The following SCAP variants were observed in gnomAD, a reference collection of about 807,000 sequenced individuals.
The protein encoded by SCAP is sterol regulatory element-binding protein cleavage-activating protein.
Under a neutral mutation model 123.6 loss-of-function variants are expected in SCAP, and 65 were observed. That is an observed-to-expected ratio of 0.53 (90% CI 0.43 to 0.65). SCAP has a LOEUF of 0.65. Ranked by LOEUF, SCAP falls within the 30% of genes least tolerant of loss-of-function variation. SCAP has a pLI of 0.00. For synonymous variants in SCAP, 740 were observed against 726.3 expected, an observed-to-expected ratio of 1.02 and a Z score of -0.30; for missense variants, 1,398 against 1,712.5, an observed-to-expected ratio of 0.82 and a Z score of 3.24.
intron 3 of SCAP, chr3:47,434,801 C>T (rs1471960585): frequency 2.4e-5 from 12 of 504,678 alleles, no homozygotes; most frequent in South Asian, 5.1e-5. Context: ...TGTGCCATTG[C>T]ACTCCAGCCT....
chr3:47,421,054 G>A, intron 10 of SCAP, 25 bp from the exon 11 acceptor site: 1 of 1,589,786 alleles, frequency 6.3e-7, no homozygotes, highest in African/African-American at 1.3e-5. Context: ...CATGGGGATG[G>A]GGGGGTGCCG....
At chr3:47,431,907 A>G (rs1021459706) in intron 3 of SCAP, among the ~76,000 whole-genome samples, 13 of 152,328 alleles carry the variant, frequency 8.5e-5, no homozygotes, top group African/African-American at 3.1e-4. Context: ...AGATTTGTCT[A>G]TTGTCATCCA....
Position 47,419,226 on chromosome 3 carries a change from A to C in SCAP, c.1940+102T>G. ...ACCTCACAACCTTATGAACTGTTTT[A>C]ATTATTTGCATAATTCAAACCTGTG... On this transcript the variant is annotated intron_variant, in intron 13 of 22. Transcript: ENST00000265565. The surrounding 1 kb of genome is among the most constrained non-coding windows in gnomAD (Gnocchi z 5.0). The C allele has an allele frequency of 7.0e-7, 1 of 1,422,520 alleles. No individual in the cohort carries two copies. The highest frequency in any genetic ancestry group is 9.5e-7 in the Non-Finnish European group (1 of 1,052,598). The allele number at this position is 1,422,520 out of a possible 1,614,324, so 88.1% of individuals were successfully genotyped here.
intron 3 of SCAP, among the ~76,000 whole-genome samples, chr3:47,431,566 C>T (rs1239421354): frequency 1.3e-5 from 2 of 152,086 alleles, no homozygotes; most frequent in Non-Finnish European, 2.9e-5. Flanking sequence ...ATGATCTTGG[C>T]AGCTTCAAGG....
rs1411859879 is a variant in SCAP, at chr3:47,449,319, G to A, written c.-98-6228C>T. Among the ~76,000 whole-genome samples, 2 of 123,428 alleles carry A rather than the reference G, an allele frequency of 1.6e-5. 1 individual carries two copies. Among genetic ancestry groups the A allele is most frequent in the East Asian group, 5.7e-4 (2 of 3,484 alleles). The allele number at this position is 123,428 out of a possible 152,430, so 81.0% of individuals were successfully genotyped here. On this transcript the variant is annotated intron_variant, in intron 1 of 22. Transcript: ENST00000265565. The stretch of plus-strand genomic sequence containing the variant: ...TCCAGATCCCAAGGGCCCCTTTCCT[G>A]GTCTTCTGGCTAAAAGTCAGGGGTT...
chr3:47,445,130 T>C (rs1170945588), intron 1 of SCAP, among the ~76,000 whole-genome samples: 2 of 152,188 alleles, frequency 1.3e-5, no homozygotes, highest in Non-Finnish European at 2.9e-5. Context: ...ATTTTGTTTG[T>C]CCATTCATCA....
chr3:47,413,785 A>G lies in SCAP; in HGVS notation c.*69T>C. ...GGAAGATACTCGGCTCTTTCCCCCA[A>G]GTCCAGGTTCAGTGCATTGGCCCCC... On this transcript the variant is annotated 3_prime_UTR_variant, in exon 23 of 23. Transcript: ENST00000265565. 1 of 1,549,568 alleles carries G rather than the reference A, an allele frequency of 6.5e-7. No homozygotes were observed. The highest frequency in any genetic ancestry group is 1.2e-5 in the South Asian group (1 of 82,514).
intron 1 of SCAP, among the ~76,000 whole-genome samples, chr3:47,469,375 G>T (rs1175426438): frequency 6.6e-6 from 1 of 152,146 alleles, no homozygotes; most frequent in Non-Finnish European, 1.5e-5. Flanking sequence ...ATTTTTGTTT[G>T]TTTGTTTTGA....
At chr3:47,440,088 T>C (rs1706737749) in intron 2 of SCAP, among the ~76,000 whole-genome samples, 1 of 152,216 alleles carries the variant, frequency 6.6e-6, no homozygotes, top group South Asian at 2.1e-4. Context: ...GCAAAAAGTA[T>C]TTCTGCAGCT....
chr3:47,460,874 G>A (rs1043443943), intron 1 of SCAP, among the ~76,000 whole-genome samples: 2 of 152,110 alleles, frequency 1.3e-5, no homozygotes, highest in Non-Finnish European at 2.9e-5. Context: ...TAATATAAAC[G>A]TTGCATGGAA....
chr3:47,437,638 G>A (rs1324859466), intron 2 of SCAP, among the ~76,000 whole-genome samples: 1 of 151,826 alleles, frequency 6.6e-6, no homozygotes, highest in South Asian at 2.1e-4. Context: ...CCCAGCTCGG[G>A]AGGCTTAAGT....
intron 2 of SCAP, among the ~76,000 whole-genome samples, chr3:47,438,996 T>G (rs2107892223): frequency 6.6e-6 from 1 of 152,230 alleles, no homozygotes; most frequent in East Asian, 1.9e-4. Flanking sequence ...AACTCATACA[T>G]GATATTTAAT....
intron 18 of SCAP, 27 bp from the exon 19 acceptor site, chr3:47,415,207 G>A: frequency 6.3e-7 from 1 of 1,590,728 alleles, no homozygotes. Context: ...GCTGCCAGGG[G>A]CCTCTCCCTT....
chr3:47,456,560 G>A (rs946292842), intron 1 of SCAP, among the ~76,000 whole-genome samples: 8 of 151,924 alleles, frequency 5.3e-5, no homozygotes, highest in African/African-American at 1.9e-4. Context: ...GAGGTCAGGA[G>A]TTTGAGACCA....
At position 47,473,080 on chromosome 3, in the gene SCAP, C is replaced by CAAAAAAAAAAAAAAAAAAAAACAA. The variant is rs34472664; in HGVS notation, c.-99+2718_-99+2719insTTGTTTTTTTTTTTTTTTTTTTTT. ...GGGCAAGAAGAGCGAAACTCCATCT[C>CAAAAAAAAAAAAAAAAAAAAACAA]AAAAAAAAAAAAAAAAAAACAGACT... On this transcript the variant is annotated intron_variant, in intron 1 of 22. Coordinates refer to ENST00000265565, the MANE Select transcript of SCAP (RefSeq NM_012235.4). 5.3e-5 allele frequency among the ~76,000 whole-genome samples: 2 copies of CAAAAAAAAAAAAAAAAAAAAACAA among 38,060 alleles called. 1 individual carries two copies. The highest frequency in any genetic ancestry group is 8.6e-5 in the Non-Finnish European group (2 of 23,280). 25.0% of individuals were successfully genotyped at this position (38,060 alleles called of 152,430 possible). A position where few individuals can be genotyped will look rare whatever the true frequency, so the allele number is the denominator to read the frequency against.
At chr3:47,447,216 A>G (rs1402349005) in intron 1 of SCAP, among the ~76,000 whole-genome samples, 1 of 152,106 alleles carries the variant, frequency 6.6e-6, no homozygotes, top group Non-Finnish European at 1.5e-5. Context: ...CCTGGCTAAC[A>G]CAGTGAAGCC....
chr3:47,439,375 C>T lies in SCAP; in HGVS notation c.122+3497G>A, dbSNP rs1427537566. On this transcript the variant is annotated intron_variant, in intron 2 of 22. Coordinates refer to ENST00000265565, the MANE Select transcript of SCAP (RefSeq NM_012235.4). The surrounding 1 kb of genome is among the most constrained non-coding windows in gnomAD (Gnocchi z 4.0). ...AGTAAGCCATGATTGTGCCATTGCA[C>T]TCCAGCCTGGGCGACAGAGTGAGAC... is the stretch of plus-strand genomic sequence containing the variant. 2.6e-5 allele frequency among the ~76,000 whole-genome samples: 4 copies of T among 152,220 alleles called. No homozygotes were observed. The highest frequency in any genetic ancestry group is 7.2e-5 in the African/African-American group (3 of 41,452).
intron 2 of SCAP, among the ~76,000 whole-genome samples, chr3:47,440,440 T>C (rs1706749050): frequency 6.6e-6 from 1 of 152,054 alleles, no homozygotes; most frequent in African/African-American, 2.4e-5. Context: ...CTTTGGAGGC[T>C]GAGAGACTTC....
In SCAP at chr3:47,426,106, C is replaced by T; in HGVS notation, c.801G>A (p.Arg267=). 6.2e-7 allele frequency: 1 copy of T among 1,614,010 alleles called. No homozygotes were observed. Among genetic ancestry groups the T allele is most frequent in the South Asian group, 1.1e-5 (1 of 91,088 alleles). The part of the protein sequence containing the change: ...LLHPSPNCSL[R]AESLVHVHFK... The stretch of plus-strand genomic sequence containing the variant: ...AGTGCACGTGGACCAGGCTCTCCGC[C>T]CGAAGGCTGCAGTTGGGGCTGGGGT... Residue 267 remains arginine (R), a synonymous_variant, in exon 7 of 23, where the codon CGG becomes CGA. Transcript: ENST00000265565.
Sources: allele counts gnomAD v4.1 joint callset (sites outside exome capture counted in the v4.1 genomes callset), GRCh38; gene constraint gnomAD v4.1.1; non-coding constraint Gnocchi (gnomAD v3.1); transcripts MANE v1.5; gene names NCBI Gene and HGNC (gene_info 2026-07-23, HGNC 2026-07-21).